The following CSMD3 variants were observed in gnomAD, a reference collection of about 807,000 sequenced individuals.
The protein encoded by CSMD3 is CUB and Sushi multiple domains 3.
Under a neutral mutation model 435.2 loss-of-function variants are expected in CSMD3, and 177 were observed. That is an observed-to-expected ratio of 0.41 (90% CI 0.36 to 0.46). The LOEUF is 0.46. Among genes scored for constraint, CSMD3 ranks in the 20% least tolerant of loss-of-function variants. The pLI, the probability that CSMD3 is intolerant of heterozygous loss-of-function variation, is 0.34. For synonymous variants in CSMD3, 1,656 were observed against 1,520.5 expected (o/e 1.09, Z -2.07); for missense variants, 4,265 against 4,504.6 (o/e 0.95, Z 1.52).
At chr8:112,528,299 TA>T (rs1227979634) in intron 27 of CSMD3, among the ~76,000 whole-genome samples, 1 of 151,790 alleles carries the variant, frequency 6.6e-6, no homozygotes, top group Non-Finnish European at 1.5e-5. Flanking sequence ...ATTTATTCAT[TA>T]AAAAAAACCA....
At position 112,404,340 on chromosome 8, in the gene CSMD3, C is replaced by A. The variant is rs1402672200; in HGVS notation, c.5809+2184G>T. ...GTCAGGAGTTCAAGACCAGCCTGAC[C>A]AACATGGTGAAACCCCGTCTCTACT... is the stretch of plus-strand genomic sequence containing the variant. On this transcript the variant is annotated intron_variant, in intron 35 of 70. Transcript: ENST00000297405. Among the ~76,000 whole-genome samples, 5 of 152,010 alleles carry A rather than the reference C, an allele frequency of 3.3e-5. No individual in the cohort carries two copies. The South Asian group carries it at 8.3e-4, about 25-fold the overall frequency.
At chr8:112,615,015 C>A (rs1301553740) in intron 22 of CSMD3, among the ~76,000 whole-genome samples, 3 of 146,330 alleles carry the variant, frequency 2.1e-5, no homozygotes, top group Non-Finnish European at 4.5e-5. Flanking sequence ...GAAAAAAAAA[C>A]TGTACTCATA....
intron 24 of CSMD3, among the ~76,000 whole-genome samples, chr8:112,570,657 G>A (rs564314248): frequency 6.6e-6 from 1 of 152,268 alleles, no homozygotes; most frequent in South Asian, 2.1e-4. Flanking sequence ...CAGATATGCA[G>A]AAGAATTGCC....
intron 3 of CSMD3, among the ~76,000 whole-genome samples, chr8:113,272,973 T>C (rs567756834): frequency 6.6e-6 from 1 of 152,130 alleles, no homozygotes; most frequent in Non-Finnish European, 1.5e-5. Context: ...CAATAATTTA[T>C]TGTATATAAA....
intron 4 of CSMD3, among the ~76,000 whole-genome samples, chr8:113,166,491 G>A (rs1456860969): frequency 6.6e-6 from 1 of 152,124 alleles, no homozygotes; most frequent in African/African-American, 2.4e-5. Flanking sequence ...GGCGACAAGA[G>A]TGAAACTCTG....
At chr8:112,352,648 T>C (rs1371643827) in intron 38 of CSMD3, 114 bp from the exon 39 acceptor site, 10 of 875,942 alleles carry the variant, frequency 1.1e-5, no homozygotes, top group East Asian at 2.5e-5. Flanking sequence ...AGATACTATA[T>C]TGAGACGTTG....
At chr8:113,374,329 G>A (rs573868009) in intron 1 of CSMD3, among the ~76,000 whole-genome samples, 28 of 152,046 alleles carry the variant, frequency 1.8e-4, no homozygotes, top group African/African-American at 6.5e-4. Context: ...GAATACATTG[G>A]CATATATTCC....
chr8:112,787,033 T>C (rs111226828), intron 13 of CSMD3, among the ~76,000 whole-genome samples: 50,533 of 151,854 alleles, frequency 0.33, 9,276 homozygotes, highest in African/African-American at 0.5. Context: ...GGTTTCCAGC[T>C]TCATCCAGGT....
intron 13 of CSMD3, among the ~76,000 whole-genome samples, chr8:112,748,317 T>C (rs1478376320): frequency 6.6e-6 from 1 of 152,124 alleles, no homozygotes; most frequent in African/African-American, 2.4e-5. Context: ...GTGAAAACAA[T>C]CATAATATAA....
intron 59 of CSMD3, among the ~76,000 whole-genome samples, chr8:112,279,526 G>C (rs1420907173): frequency 6.6e-6 from 1 of 152,046 alleles, no homozygotes; most frequent in Non-Finnish European, 1.5e-5. Context: ...GGAGCCCCTT[G>C]GACCTGTCCT....
intron 27 of CSMD3, among the ~76,000 whole-genome samples, chr8:112,535,452 T>A (rs1825978210): frequency 2.0e-5 from 3 of 151,114 alleles, no homozygotes; most frequent in Admixed American, 2.0e-4. Flanking sequence ...TACCTAGGAA[T>A]CCAACTTACA....
At chr8:112,482,836 C>A (rs1304405775) in intron 31 of CSMD3, among the ~76,000 whole-genome samples, 1 of 152,116 alleles carries the variant, frequency 6.6e-6, no homozygotes, top group Admixed American at 6.6e-5. Flanking sequence ...TCTCTAATTT[C>A]CAGACTTTTT....
At chr8:112,824,640 C>A (rs1417921653) in intron 12 of CSMD3, among the ~76,000 whole-genome samples, 1 of 152,192 alleles carries the variant, frequency 6.6e-6, no homozygotes. Context: ...CCCCCATTCT[C>A]TTCTGGCTTG....
chr8:112,346,669 C>CTTTTTTTT lies in CSMD3; in HGVS notation c.6326-464_6326-457dup, dbSNP rs1402415225. On this transcript the variant is annotated intron_variant, in intron 40 of 70. Transcript: ENST00000297405. ...ATTTTCACAGCCTTCCCTCCTTTTCCTTTTTTTTTTTTTTTTTTTTTTTTT... is the reference window on the plus strand; with the variant it reads ...ATTTTCACAGCCTTCCCTCCTTTTCCTTTTTTTTTTTTTTTTTTTTTTTTTTTTTTTTT... Among the ~76,000 whole-genome samples the CTTTTTTTT allele has an allele frequency of 1.4e-4, 16 of 111,850 alleles. 2 individuals are homozygous for CTTTTTTTT. The highest frequency in any genetic ancestry group is 5.3e-4 in the African/African-American group (12 of 22,808). The allele number at this position is 111,850 out of a possible 152,430, so 73.4% of individuals were successfully genotyped here.
chr8:112,953,009 A>G (rs1486789737), intron 8 of CSMD3, among the ~76,000 whole-genome samples: 1 of 151,446 alleles, frequency 6.6e-6, no homozygotes, highest in African/African-American at 2.4e-5. Flanking sequence ...CATACATCTT[A>G]CAATGCCTTG....
chr8:112,576,682 C>A (rs1355652559), intron 23 of CSMD3, among the ~76,000 whole-genome samples: 1 of 151,028 alleles, frequency 6.6e-6, no homozygotes, highest in Non-Finnish European at 1.5e-5. Context: ...AGGCACACCC[C>A]ACCAAGCCTG....
rs73346398 is a variant in CSMD3 at position 113,218,270 on chromosome 8, A to T, written c.515-44354T>A. Among the ~76,000 whole-genome samples, 532 of 151,138 alleles carry T rather than the reference A, an allele frequency of 3.5e-3. 2 individuals carry two copies. Among genetic ancestry groups the T allele is most frequent in the African/African-American group, 0.012 (495 of 41,410 alleles). On this transcript the variant is annotated intron_variant, in intron 3 of 70. Coordinates refer to ENST00000297405, the MANE Select transcript of CSMD3 (RefSeq NM_198123.2). ...TAATACTCAATGTAAACTCAGATGTAACTGAAGGAATTAAGGACAATAGAA... is the reference window on the plus strand; with the variant it reads ...TAATACTCAATGTAAACTCAGATGTTACTGAAGGAATTAAGGACAATAGAA...
At chr8:113,153,122 A>AGAAGG (rs1491549612) in intron 4 of CSMD3, among the ~76,000 whole-genome samples, 4 of 103,002 alleles carry the variant, frequency 3.9e-5, no homozygotes, top group Non-Finnish European at 7.6e-5. Flanking sequence ...AGAAAGAAAG[A>AGAAGG]AAGAGAAAGA....
At chr8:112,940,242 T>C (rs1346078729) in intron 9 of CSMD3, among the ~76,000 whole-genome samples, 3 of 151,810 alleles carry the variant, frequency 2.0e-5, no homozygotes, top group Non-Finnish European at 4.4e-5. Context: ...TGCTGAGATA[T>C]ACCAGCATTT....
Sources: allele counts gnomAD v4.1 joint callset (sites outside exome capture counted in the v4.1 genomes callset), GRCh38; gene constraint gnomAD v4.1.1; transcripts MANE v1.5; gene names NCBI Gene and HGNC (gene_info 2026-07-23, HGNC 2026-07-21).